The following TUBGCP5 variants were observed in gnomAD, a reference collection of about 807,000 sequenced individuals.
TUBGCP5 encodes the protein tubulin gamma complex component 5.
TUBGCP5 carries 98 observed loss-of-function variants against 134.7 expected under a neutral mutation model. The ratio of observed to expected loss-of-function variants is 0.73; its 90% CI spans 0.62 to 0.86. TUBGCP5 has a LOEUF of 0.86. Among genes scored for constraint, TUBGCP5 ranks in the 40% least tolerant of loss-of-function variants. The probability of loss-of-function intolerance (pLI) is 0.00; values close to 1 mark genes in which losing one functional copy is unlikely to be tolerated. For missense variants in TUBGCP5, 1,150 were observed against 1,244.8 expected (o/e 0.92, Z 1.15); for synonymous variants, 456 against 431.4 (o/e 1.06, Z -0.71).
chr15:23,003,183 G>A, intron 20 of TUBGCP5, 30 bp from the exon 21 acceptor site: 1 of 1,603,254 alleles, frequency 6.2e-7, no homozygotes, highest in Non-Finnish European at 8.5e-7. Flanking sequence ...AACACAAACT[G>A]TGTAACTAGG....
chr15:23,004,099 T>C lies in TUBGCP5; in HGVS notation c.2838+3A>G. The stretch of plus-strand genomic sequence containing the variant: ...CCACATCTGCAGGAGACATCTCATG[T>C]ACCTTTTCTCTCAGCAGACACCGGT... On this transcript the variant is annotated splice_donor_region_variant and intron_variant, in intron 20 of 22. Coordinates refer to ENST00000615383, the MANE Select transcript of TUBGCP5 (RefSeq NM_052903.6). The C allele has an allele frequency of 6.2e-7, 1 of 1,607,516 alleles. No homozygotes were observed. Among genetic ancestry groups the C allele is most frequent in the Non-Finnish European group, 8.5e-7 (1 of 1,178,250 alleles).
chr15:23,037,130 T>A lies in TUBGCP5; in HGVS notation c.169A>T (p.Asn57Tyr). 1 of 1,613,718 alleles carries A rather than the reference T, an allele frequency of 6.2e-7. No homozygotes were observed. The highest frequency in any genetic ancestry group is 8.5e-7 in the Non-Finnish European group (1 of 1,179,978). Reference sequence around the variant, plus strand: ...ATTGTTTTTTCTATTTTGTGGCTGTTGACATCCAAGAAACGATGAAATCTA... The same window carrying A: ...ATTGTTTTTTCTATTTTGTGGCTGTAGACATCCAAGAAACGATGAAATCTA... The part of the protein sequence containing the change: ...NFRFHRFLDV[N>Y]SHKIEKTIEG... Residue 57 changes from asparagine (N) to tyrosine (Y), a missense_variant, in exon 2 of 23, where the codon AAC becomes TAC. Around this residue, in one of 2 missense-constraint regions of TUBGCP5, gnomAD observed 453 missense variants for 394.7 expected, o/e 1.15. Coordinates refer to ENST00000615383, the MANE Select transcript of TUBGCP5 (RefSeq NM_052903.6).
downstream of TUBGCP5, among the ~76,000 whole-genome samples, chr15:22,996,540 CTGTGG>C (rs2064087877): frequency 6.6e-6 from 1 of 152,096 alleles, no homozygotes; most frequent in Non-Finnish European, 1.5e-5. Flanking sequence ...GGCCGAAGGG[CTGTGG>C]TGTGATCTTG....
intron 10 of TUBGCP5, 57 bp downstream of exon 10, chr15:23,023,890 T>A: frequency 6.5e-7 from 1 of 1,547,742 alleles, no homozygotes. Context: ...AAACTCTAAG[T>A]GGCATTCAAA....
chr15:23,028,842 T>A (rs1353677112), intron 6 of TUBGCP5, among the ~76,000 whole-genome samples: 1 of 152,060 alleles, frequency 6.6e-6, no homozygotes, highest in African/African-American at 2.4e-5. Context: ...GATACAGGCA[T>A]AAGAACTAGC....
At chr15:22,997,915 C>CT (rs61041986), downstream of TUBGCP5, among the ~76,000 whole-genome samples, 423 of 143,836 alleles carry the variant, frequency 2.9e-3, 1 homozygote, top group African/African-American at 6.5e-3. Context: ...TATGTGTGGC[C>CT]TTTTTTTTTT....
chr15:23,012,892 G>A (rs1003954979), intron 13 of TUBGCP5, among the ~76,000 whole-genome samples: 6 of 152,098 alleles, frequency 3.9e-5, no homozygotes, highest in Non-Finnish European at 5.9e-5. Context: ...GCTGAGGTCA[G>A]GAGTTCAAGA....
chr15:23,003,632 G>GTTTTT (rs531926227), intron 20 of TUBGCP5, among the ~76,000 whole-genome samples: 21 of 88,684 alleles, frequency 2.4e-4, no homozygotes, highest in East Asian at 1.0e-3. Context: ...TCCTCCTTCT[G>GTTTTT]TTTTTTTTTT....
chr15:22,985,806 G>A (rs2063659851), intron 23 of TUBGCP5, among the ~76,000 whole-genome samples: 1 of 151,746 alleles, frequency 6.6e-6, no homozygotes, highest in Non-Finnish European at 1.5e-5. Context: ...CTGCACTCCA[G>A]CCTGGGCGAC....
intron 21 of TUBGCP5, 102 bp downstream of exon 21, chr15:23,002,963 C>T: frequency 1.7e-6 from 2 of 1,146,302 alleles, no homozygotes; most frequent in Admixed American, 2.0e-5. Flanking sequence ...CAATCCTCTC[C>T]TCTCAGCCTC....
At chr15:23,004,810 T>C (rs1057109414) in intron 19 of TUBGCP5, among the ~76,000 whole-genome samples, 2 of 152,132 alleles carry the variant, frequency 1.3e-5, no homozygotes, top group African/African-American at 4.8e-5. Flanking sequence ...AACACAGGCT[T>C]CAGTGGCTCA....
At chr15:22,998,479 G>A (rs1225588574), downstream of TUBGCP5, among the ~76,000 whole-genome samples, 2 of 151,982 alleles carry the variant, frequency 1.3e-5, no homozygotes, top group African/African-American at 4.8e-5. Flanking sequence ...TTTTGTTGGA[G>A]ACAAGGTCTT....
At chr15:22,984,516 G>A (rs1443277877) in intron 23 of TUBGCP5, among the ~76,000 whole-genome samples, 7 of 151,236 alleles carry the variant, frequency 4.6e-5, no homozygotes, top group African/African-American at 1.7e-4. Context: ...GCTACCCCGG[G>A]GGCTGAGGCA....
chr15:23,006,395 TCA>T, intron 16 of TUBGCP5, 43 bp from the exon 17 acceptor site: 1 of 1,402,710 alleles, frequency 7.1e-7, no homozygotes, highest in Non-Finnish European at 9.9e-7. Context: ...AAGCACTATG[TCA>T]CACAAAAATG....
rs1233861494 is a variant in TUBGCP5 at position 23,003,151 on chromosome 15, G to A, written c.2841C>T (p.Val947=). 6.2e-7 allele frequency: 1 copy of A among 1,614,064 alleles called. No individual in the cohort carries two copies. Among genetic ancestry groups the A allele is most frequent in the Non-Finnish European group, 8.5e-7 (1 of 1,179,930 alleles). The change falls in exon 21 of 23, where the codon GTC becomes GTT. Residue 947 remains valine, a splice_region_variant and synonymous_variant. Transcript: ENST00000615383. The part of the protein sequence containing the change: ...IHDRCLLREK[V]SFVKEAIMKV... Reference sequence around the variant, plus strand: ...TCATGATAGCTTCTTTCACAAAGCTGACCTGCAGACCAAAGTCACAGAACA... The same window carrying A: ...TCATGATAGCTTCTTTCACAAAGCTAACCTGCAGACCAAAGTCACAGAACA...
Position 23,023,935 on chromosome 15 carries a change from A to G in TUBGCP5, c.1168+12T>C, listed in dbSNP as rs1194965607. 1.2e-6 allele frequency: 2 copies of G among 1,612,420 alleles called. No homozygotes were observed. Among genetic ancestry groups the G allele is most frequent in the African/African-American group, 2.7e-5 (2 of 74,812 alleles). On this transcript the variant is annotated intron_variant, in intron 10 of 22. Coordinates refer to ENST00000615383, the MANE Select transcript of TUBGCP5 (RefSeq NM_052903.6). ...ACGTGTAGTATGAGTAAAGATGAAGAACATTTAATACCATTATTGATGATG... is the reference window on the plus strand; with the variant it reads ...ACGTGTAGTATGAGTAAAGATGAAGGACATTTAATACCATTATTGATGATG...
At chr15:22,985,172 A>T (rs1192368142) in intron 23 of TUBGCP5, among the ~76,000 whole-genome samples, 3 of 152,144 alleles carry the variant, frequency 2.0e-5, no homozygotes, top group African/African-American at 7.2e-5. Flanking sequence ...AGAAATACAA[A>T]TTAATCTCTG....
At chr15:22,984,586 C>T (rs1187085007) in intron 23 of TUBGCP5, among the ~76,000 whole-genome samples, 1 of 151,888 alleles carries the variant, frequency 6.6e-6, no homozygotes, top group Non-Finnish European at 1.5e-5. Context: ...TGCCACTGCA[C>T]TCCAACCTGG....
intron 3 of TUBGCP5, among the ~76,000 whole-genome samples, chr15:23,035,439 T>C (rs1199784485): frequency 1.3e-5 from 2 of 148,828 alleles, no homozygotes; most frequent in African/African-American, 2.5e-5. Context: ...CCATGGACTG[T>C]TGGGTGGGGG....
Sources: gnomAD v4.1 joint callset for allele counts (sites outside exome capture counted in the v4.1 genomes callset) on GRCh38, gnomAD v4.1.1 for gene constraint, gnomAD v4.1.1 regional missense constraint, MANE v1.5 for transcripts, NCBI Gene and HGNC (gene_info 2026-07-23, HGNC 2026-07-21) for gene names.